EP300: variants seen among roughly 807,000 people sequenced by gnomAD.
EP300 encodes the protein histone acetyltransferase p300.
Under a neutral mutation model 264.0 loss-of-function variants are expected in EP300, and 31 were observed. The observed-to-expected ratio is 0.12, with a 90% confidence interval of 0.09 to 0.16. EP300 has a LOEUF of 0.16. EP300 is among the 10% of genes least tolerant of loss of function. The pLI is 1.00. For synonymous variants in EP300, 1,340 were observed against 1,045.4 expected (o/e 1.28, Z -5.44); for missense variants, 2,766 against 3,052.9 (o/e 0.91, Z 2.21).
chr22:41,119,441 G>A (rs1431722947), intron 2 of EP300, among the ~76,000 whole-genome samples: 1 of 152,088 alleles, frequency 6.6e-6, no homozygotes, highest in East Asian at 1.9e-4. Context: ...GCTATGAAGA[G>A]AGAAAGTCCT....
At chr22:41,145,787 C>T (rs2059007293) in intron 10 of EP300, among the ~76,000 whole-genome samples, 1 of 152,032 alleles carries the variant, frequency 6.6e-6, no homozygotes, top group Admixed American at 6.6e-5. Context: ...CAGGCGCCTG[C>T]CACCACGCCC....
At chr22:41,130,699 A>C (rs1426698346) in intron 5 of EP300, among the ~76,000 whole-genome samples, 1 of 152,188 alleles carries the variant, frequency 6.6e-6, no homozygotes. Flanking sequence ...GCATTGGGCA[A>C]GTTATTCTTT....
At chr22:41,171,444 C>T (rs2059170318) in intron 27 of EP300, among the ~76,000 whole-genome samples, 1 of 152,090 alleles carries the variant, frequency 6.6e-6, no homozygotes, top group African/African-American at 2.4e-5. Context: ...TCAAGCCATC[C>T]TCCCATCTCA....
intron 22 of EP300, among the ~76,000 whole-genome samples, chr22:41,166,191 G>C (rs1231043231): frequency 6.6e-6 from 1 of 152,200 alleles, no homozygotes; most frequent in Non-Finnish European, 1.5e-5. Context: ...GTTTATACAA[G>C]AAACTACTTA....
intron 4 of EP300, among the ~76,000 whole-genome samples, chr22:41,129,155 C>T (rs1218173105): frequency 7.4e-6 from 1 of 135,920 alleles, no homozygotes; most frequent in East Asian, 2.3e-4. Flanking sequence ...GGACTACAGG[C>T]GCCCGCCACC....
At position 41,177,165 on chromosome 22, in the gene EP300, G is replaced by A. The variant is rs148026063; in HGVS notation, c.5454G>A (p.Leu1818=). The change falls in exon 31 of 31, where the codon CTG becomes CTA. Residue 1818 remains leucine, a synonymous_variant. Coordinates refer to ENST00000263253, the MANE Select transcript of EP300 (RefSeq NM_001429.4). ...NIKQKLRQQQ[L]QHRLQQAQML... ...AGCAGAAGCTCCGGCAGCAACAGCT[G>A]CAGCACCGACTACAGCAGGCCCAAA... 1.2e-6 allele frequency: 2 copies of A among 1,614,110 alleles called. No homozygotes were observed. The highest frequency in any genetic ancestry group is 2.2e-5 in the South Asian group (2 of 91,084).
At chr22:41,167,804 GTTTGTTTTTGTTTTTTTT>G (rs1439179934) in intron 23 of EP300, among the ~76,000 whole-genome samples, 3 of 50,502 alleles carry the variant, frequency 5.9e-5, no homozygotes, top group Admixed American at 2.7e-4. Context: ...TTCTATTTCT[GTTTGTTTTTGTTTTTTTT>G]TTTGTTTTTT....
intron 7 of EP300, 130 bp from the exon 8 acceptor site, chr22:41,137,523 C>T: frequency 8.2e-7 from 1 of 1,221,924 alleles, no homozygotes; most frequent in Non-Finnish European, 1.2e-6. Context: ...TTCTCCCTGC[C>T]TAGCTCCTTA....
At chr22:41,119,172 ATTATTT>A (rs1250498087) in intron 2 of EP300, among the ~76,000 whole-genome samples, 122 of 107,214 alleles carry the variant, frequency 1.1e-3, no homozygotes, top group African/African-American at 4.6e-3. Context: ...CTGGCTTATT[ATTATTT>A]TTTTTTTTTT....
At chr22:41,134,291 G>T (rs141217333) in intron 6 of EP300, among the ~76,000 whole-genome samples, 1 of 151,050 alleles carries the variant, frequency 6.6e-6, no homozygotes, top group Admixed American at 6.6e-5. Context: ...AACTAGAAAC[G>T]TACGTGTGTG....
At chr22:41,100,039 G>A (rs966696107) in intron 1 of EP300, among the ~76,000 whole-genome samples, 4 of 152,052 alleles carry the variant, frequency 2.6e-5, no homozygotes, top group Non-Finnish European at 5.9e-5. Flanking sequence ...CAATGTAGTG[G>A]GACCCCCCAT....
In EP300 at chr22:41,152,040, T is replaced by C. The variant is rs573993764; in HGVS notation, c.2997+28T>C. On this transcript the variant is annotated intron_variant, in intron 15 of 30. Coordinates refer to ENST00000263253, the MANE Select transcript of EP300 (RefSeq NM_001429.4). The stretch of plus-strand genomic sequence containing the variant: ...GAGAGTAGGGCAATTACTGTTTGAT[T>C]TGGTTAGGACCTCAGTATAGGAACC... 24 of 1,613,756 alleles carry C rather than the reference T, an allele frequency of 1.5e-5. No homozygotes were observed. In the South Asian group the frequency reaches 2.2e-4, roughly 15 times the overall value.
intron 20 of EP300, 88 bp downstream of exon 20, chr22:41,160,810 G>A (rs1056222415): frequency 1.6e-6 from 2 of 1,250,504 alleles, no homozygotes; most frequent in Non-Finnish European, 2.3e-6. Flanking sequence ...CTTAAGCTAT[G>A]CTGTTGAATA....
intron 10 of EP300, among the ~76,000 whole-genome samples, chr22:41,143,481 G>GA (rs2058994112): frequency 6.6e-6 from 1 of 151,854 alleles, no homozygotes; most frequent in Non-Finnish European, 1.5e-5. Context: ...TGTAAACTTT[G>GA]AAAAAACAAA....
At chr22:41,173,588 C>T (rs1230615535) in intron 28 of EP300, 35 bp from the exon 29 acceptor site, 2 of 1,611,062 alleles carry the variant, frequency 1.2e-6, no homozygotes, top group Non-Finnish European at 1.7e-6. Context: ...TTAACAAAAA[C>T]CTTATTTTCT....
intron 1 of EP300, among the ~76,000 whole-genome samples, chr22:41,111,876 CTTTTTTTTTTTTTTTT>C (rs71200661): frequency 1.8e-5 from 1 of 54,706 alleles, no homozygotes; most frequent in East Asian, 6.9e-4. Context: ...AACTTGTAAC[CTTTTTTTTTTTTTTTT>C]TTTTTTTTTT....
At chr22:41,126,324 T>G in intron 3 of EP300, 1 of 393,824 alleles carries the variant, frequency 2.5e-6, no homozygotes, top group East Asian at 4.8e-5. Flanking sequence ...CTTGGTCTTG[T>G]GAGCGTTTCC....
chr22:41,095,232 ATTTTT>A (rs66515117), intron 1 of EP300, among the ~76,000 whole-genome samples: 1 of 80,246 alleles, frequency 1.2e-5, no homozygotes, highest in Non-Finnish European at 2.2e-5. Context: ...TACCATTGTA[ATTTTT>A]TTTTTTTTTT....
chr22:41,112,015 G>T (rs1281066560), intron 1 of EP300, among the ~76,000 whole-genome samples: 2 of 150,208 alleles, frequency 1.3e-5, no homozygotes, highest in Non-Finnish European at 2.9e-5. Context: ...AGCCTCCCGA[G>T]TAGCTGGGAC....
Sources: gnomAD v4.1 joint callset for allele counts (sites outside exome capture counted in the v4.1 genomes callset) on GRCh38, gnomAD v4.1.1 for gene constraint, MANE v1.5 for transcripts, NCBI Gene and HGNC (gene_info 2026-07-23, HGNC 2026-07-21) for gene names.